The following PRR16 variants were observed in gnomAD, a reference collection of about 807,000 sequenced individuals.
PRR16 encodes the protein protein Largen.
A neutral mutation model predicts 18.2 loss-of-function variants in PRR16; 6 were observed. That is an observed-to-expected ratio of 0.33 (90% CI 0.18 to 0.65). The LOEUF (loss-of-function observed/expected upper bound fraction) is 0.65. Among genes scored for constraint, PRR16 ranks in the 30% least tolerant of loss-of-function variants. The probability of loss-of-function intolerance (pLI) is 0.74; values close to 1 mark genes in which losing one functional copy is unlikely to be tolerated. For synonymous variants in PRR16, 151 were observed against 147.8 expected, an observed-to-expected ratio of 1.02 and a Z score of -0.16; for missense variants, 412 against 376.6, an observed-to-expected ratio of 1.09 and a Z score of -0.78.
chr5:120,624,198 G>A (rs1246199774), intron 1 of PRR16, among the ~76,000 whole-genome samples: 2 of 152,054 alleles, frequency 1.3e-5, no homozygotes, highest in Non-Finnish European at 2.9e-5. Context: ...CAGTATTAAA[G>A]AAACACATCT....
At chr5:120,656,475 A>C (rs1028009104) in intron 1 of PRR16, among the ~76,000 whole-genome samples, 1 of 151,434 alleles carries the variant, frequency 6.6e-6, no homozygotes, top group Admixed American at 6.6e-5. Flanking sequence ...CTCAAAAAAA[A>C]AAAAAAAAAA....
chr5:120,607,816 G>T (rs539043613), intron 1 of PRR16, among the ~76,000 whole-genome samples: 1 of 150,560 alleles, frequency 6.6e-6, no homozygotes, highest in African/African-American at 2.5e-5. Context: ...ACTCATTTTT[G>T]ATAAAACAAG....
chr5:120,671,492 T>C (rs1410125822), intron 1 of PRR16, among the ~76,000 whole-genome samples: 3 of 152,252 alleles, frequency 2.0e-5, no homozygotes. Context: ...TGAAAATATA[T>C]GCCTGAGATA....
At chr5:120,475,576 A>G (rs577257213) in intron 1 of PRR16, among the ~76,000 whole-genome samples, 30 of 152,114 alleles carry the variant, frequency 2.0e-4, no homozygotes, top group African/African-American at 5.3e-4. Flanking sequence ...TGTTTCTATA[A>G]GAAATGAAAA....
At chr5:120,788,223 A>G in the PRR16 span, among the ~76,000 whole-genome samples, 2 of 152,014 alleles carry the variant, frequency 1.3e-5, no homozygotes, top group African/African-American at 4.8e-5. Context: ...AGAGCAAGAA[A>G]TAAGTTTTTT....
intron 1 of PRR16, among the ~76,000 whole-genome samples, chr5:120,518,977 T>G (rs996339307): frequency 1.1e-4 from 16 of 152,164 alleles, no homozygotes; most frequent in African/African-American, 3.6e-4. Context: ...AGTTATTTTA[T>G]TTTATTAGTT....
At chr5:120,729,949 A>G in the PRR16 span, among the ~76,000 whole-genome samples, 7 of 152,226 alleles carry the variant, frequency 4.6e-5, no homozygotes, top group South Asian at 6.2e-4. Context: ...TAGTCTCCTC[A>G]CAGTACCTCA....
chr5:120,727,926 A>G, the PRR16 span, among the ~76,000 whole-genome samples: 1 of 152,048 alleles, frequency 6.6e-6, no homozygotes. Context: ...ATGTGTTAAT[A>G]ATAGAAGAAA....
intron 1 of PRR16, among the ~76,000 whole-genome samples, chr5:120,657,796 C>T (rs944633592): frequency 3.9e-5 from 6 of 151,908 alleles, no homozygotes; most frequent in African/African-American, 7.2e-5. Context: ...GGAATGTGAA[C>T]GCATGTTCCC....
chr5:120,547,362 G>A (rs868075804), intron 1 of PRR16, among the ~76,000 whole-genome samples: 3 of 151,960 alleles, frequency 2.0e-5, no homozygotes, highest in South Asian at 2.1e-4. Flanking sequence ...AAAATGGGTG[G>A]GTGGCAATAT....
At chr5:120,690,510 C>T (rs1010662995), downstream of PRR16, among the ~76,000 whole-genome samples, 1 of 152,182 alleles carries the variant, frequency 6.6e-6, no homozygotes, top group Non-Finnish European at 1.5e-5. Flanking sequence ...TGATAAAATA[C>T]GGATGATTTC....
intron 1 of PRR16, among the ~76,000 whole-genome samples, chr5:120,666,357 G>A (rs1010263355): frequency 6.6e-6 from 1 of 151,998 alleles, no homozygotes; most frequent in African/African-American, 2.4e-5. Context: ...GGAGATTTTG[G>A]GCTGAGACAA....
chr5:120,547,010 T>A (rs1446701121), intron 1 of PRR16, among the ~76,000 whole-genome samples: 1 of 152,052 alleles, frequency 6.6e-6, no homozygotes, highest in Non-Finnish European at 1.5e-5. Context: ...GATGGGGAGT[T>A]GCTGGAAGTA....
the PRR16 span, among the ~76,000 whole-genome samples, chr5:120,789,182 A>C: frequency 6.6e-6 from 1 of 152,088 alleles, no homozygotes; most frequent in Non-Finnish European, 1.5e-5. Context: ...TCATTATACT[A>C]GGTTTATAGT....
At chr5:120,637,200 A>G (rs1696796771) in intron 1 of PRR16, among the ~76,000 whole-genome samples, 2 of 152,102 alleles carry the variant, frequency 1.3e-5, no homozygotes, top group South Asian at 2.1e-4. Flanking sequence ...ATAAACTAGT[A>G]TAACAACTAT....
the PRR16 span, among the ~76,000 whole-genome samples, chr5:120,778,788 A>G: frequency 3.3e-5 from 5 of 152,182 alleles, no homozygotes; most frequent in Non-Finnish European, 5.9e-5. Flanking sequence ...TTTGTCATTT[A>G]TTTGAAAGCC....
At chr5:120,597,337 T>C (rs1419983124) in intron 1 of PRR16, among the ~76,000 whole-genome samples, 1 of 151,688 alleles carries the variant, frequency 6.6e-6, no homozygotes, top group Non-Finnish European at 1.5e-5. Context: ...TGTTAAGAAG[T>C]CCATTTGTAT....
chr5:120,730,102 C>G, the PRR16 span, among the ~76,000 whole-genome samples: 189 of 152,226 alleles, frequency 1.2e-3, no homozygotes, highest in African/African-American at 4.3e-3. Flanking sequence ...TTGAGCTTTT[C>G]TGTATGCTTC....
chr5:120,506,200 T>C (rs1209946337), intron 1 of PRR16, among the ~76,000 whole-genome samples: 2 of 152,042 alleles, frequency 1.3e-5, no homozygotes, highest in Non-Finnish European at 2.9e-5. Context: ...ACCATGTGGG[T>C]ATGCTTGTTT....
Sources: gnomAD v4.1 joint callset for allele counts (sites outside exome capture counted in the v4.1 genomes callset) on GRCh38, gnomAD v4.1.1 for gene constraint, MANE v1.5 for transcripts, NCBI Gene and HGNC (gene_info 2026-07-23, HGNC 2026-07-21) for gene names.